Variants in GABRG3 observed in about 807,000 individuals in gnomAD.
GABRG3 encodes the protein gamma-aminobutyric acid receptor subunit gamma-3.
GABRG3 carries 25 observed loss-of-function variants against 48.8 expected under a neutral mutation model. The ratio of observed to expected loss-of-function variants is 0.51; its 90% CI spans 0.37 to 0.72. The LOEUF (loss-of-function observed/expected upper bound fraction) is 0.72. GABRG3 is among the 30% of genes least tolerant of loss of function. The probability of loss-of-function intolerance (pLI) is 0.00; values close to 1 mark genes in which losing one functional copy is unlikely to be tolerated. For missense variants in GABRG3, 394 were observed against 577.9 expected (o/e 0.68, Z 3.26); for synonymous variants, 227 against 217.6 (o/e 1.04, Z -0.38).
chr15:27,527,475 C>T lies in GABRG3; in HGVS notation c.908C>T (p.Ala303Val). 12 of 1,613,964 alleles carry T rather than the reference C, an allele frequency of 7.4e-6. No homozygotes were observed. Among genetic ancestry groups the T allele is most frequent in the Non-Finnish European group, 1.0e-5 (12 of 1,179,888 alleles). The change falls in exon 8 of 10, where the codon GCC (alanine) becomes GTC (valine). Residue 303 changes from alanine to valine, a missense_variant. Transcript: ENST00000615808. ...VLTMTTLSTI[A>V]RKSLPRVSYV... Reference sequence around the variant, plus strand: ...ACCATGACCACCCTGAGCACCATCGCCAGGAAGTCCTTGCCACGCGTGTCC... The same window carrying T: ...ACCATGACCACCCTGAGCACCATCGTCAGGAAGTCCTTGCCACGCGTGTCC...
chr15:27,359,456 AT>A (rs1225258412), intron 5 of GABRG3, among the ~76,000 whole-genome samples: 2 of 152,214 alleles, frequency 1.3e-5, no homozygotes, highest in African/African-American at 4.8e-5. Flanking sequence ...GAAGAGATAT[AT>A]TTATTCAGTT....
chr15:27,423,017 T>A (rs1014730768), intron 5 of GABRG3, among the ~76,000 whole-genome samples: 1 of 151,938 alleles, frequency 6.6e-6, no homozygotes, highest in Non-Finnish European at 1.5e-5. Flanking sequence ...ATGTCTCTGC[T>A]CAGGGAAGCC....
At chr15:27,441,536 A>G (rs566827970) in intron 5 of GABRG3, among the ~76,000 whole-genome samples, 4 of 152,312 alleles carry the variant, frequency 2.6e-5, no homozygotes, top group African/African-American at 9.6e-5. Context: ...ATGATGATCA[A>G]TCATGTCTCT....
chr15:27,107,996 AT>A (rs1245519350), intron 3 of GABRG3, among the ~76,000 whole-genome samples: 3 of 150,974 alleles, frequency 2.0e-5, no homozygotes, highest in African/African-American at 7.3e-5. Flanking sequence ...CATTAATTTT[AT>A]TGATCTTTTC....
chr15:27,230,205 G>T (rs538267779), intron 3 of GABRG3, among the ~76,000 whole-genome samples: 1 of 152,212 alleles, frequency 6.6e-6, no homozygotes, highest in South Asian at 2.1e-4. Context: ...CAGTTTGGTT[G>T]TAATAACATA....
At chr15:27,368,966 G>C (rs879918019) in intron 5 of GABRG3, among the ~76,000 whole-genome samples, 7 of 152,296 alleles carry the variant, frequency 4.6e-5, no homozygotes, top group Non-Finnish European at 7.3e-5. Flanking sequence ...CAGGTAATAA[G>C]TCATTTATAT....
intron 5 of GABRG3, among the ~76,000 whole-genome samples, chr15:27,417,318 A>G (rs866854750): frequency 2.6e-5 from 4 of 152,158 alleles, no homozygotes; most frequent in South Asian, 4.1e-4. Context: ...AGATGACTTA[A>G]TGTGGGTGAC....
chr15:27,475,545 G>A (rs1889912641), intron 5 of GABRG3, among the ~76,000 whole-genome samples: 1 of 151,950 alleles, frequency 6.6e-6, no homozygotes, highest in Non-Finnish European at 1.5e-5. Context: ...TGATAGTGGT[G>A]ATGATGATGG....
chr15:27,480,413 G>A (rs1813978807), intron 5 of GABRG3, among the ~76,000 whole-genome samples: 1 of 152,210 alleles, frequency 6.6e-6, no homozygotes, highest in African/African-American at 2.4e-5. Context: ...TGTGTTGTCA[G>A]TGGCCAGGCC....
At chr15:27,110,779 G>A (rs60859408) in intron 3 of GABRG3, among the ~76,000 whole-genome samples, 1,591 of 152,158 alleles carry the variant, frequency 0.01, 27 homozygotes, top group African/African-American at 0.036. Context: ...TAGGTGTGGT[G>A]TTCCCCACCC....
intron 3 of GABRG3, among the ~76,000 whole-genome samples, chr15:27,128,647 A>G (rs1354618140): frequency 6.6e-6 from 1 of 152,218 alleles, no homozygotes; most frequent in African/African-American, 2.4e-5. Context: ...AAGCAGAACA[A>G]TTTGACACAG....
At chr15:27,306,436 A>G (rs945847032) in intron 3 of GABRG3, among the ~76,000 whole-genome samples, 2 of 140,764 alleles carry the variant, frequency 1.4e-5, no homozygotes, top group African/African-American at 2.6e-5. Flanking sequence ...AACATATAAT[A>G]CGAACATATG....
Position 27,307,006 on chromosome 15 carries a change from G to GTTTATATATAAACA in GABRG3, c.271-19802_271-19801insTTATATATAAACAT, listed in dbSNP as rs1566769768. On this transcript the variant is annotated intron_variant, in intron 3 of 9. Coordinates refer to ENST00000615808, the MANE Select transcript of GABRG3 (RefSeq NM_033223.5). ...TATAAACATGTTTATATATAAACATGTATAAACATGTTTATATATAAACAT... is the reference window on the plus strand; with the variant it reads ...TATAAACATGTTTATATATAAACATGTTTATATATAAACATATAAACATGTTTATATATAAACAT... Among the ~76,000 whole-genome samples, 35 of 78,584 alleles carry GTTTATATATAAACA rather than the reference G, an allele frequency of 4.5e-4. 6 individuals are homozygous for GTTTATATATAAACA. Among genetic ancestry groups the GTTTATATATAAACA allele is most frequent in the South Asian group, 1.4e-3 (4 of 2,834 alleles). 51.6% of individuals were successfully genotyped at this position (78,584 alleles called of 152,430 possible).
At chr15:27,458,224 G>T (rs1382850619) in intron 5 of GABRG3, among the ~76,000 whole-genome samples, 1 of 152,228 alleles carries the variant, frequency 6.6e-6, no homozygotes, top group African/African-American at 2.4e-5. Flanking sequence ...TGTAGGAGAA[G>T]TGTCTCTCCT....
chr15:27,354,470 C>T lies in GABRG3; in HGVS notation c.574+25582C>T, dbSNP rs116976379. On this transcript the variant is annotated intron_variant, in intron 5 of 9. Transcript: ENST00000615808. Reference sequence around the variant, plus strand: ...GGCTATGGAACTGCAAGGGCACCACCCGTCCCCAATCTTAACAGTCCAAGT... The same window carrying T: ...GGCTATGGAACTGCAAGGGCACCACTCGTCCCCAATCTTAACAGTCCAAGT... Among the ~76,000 whole-genome samples, 55 of 152,284 alleles carry T rather than the reference C, an allele frequency of 3.6e-4. 1 individual carries two copies. Among genetic ancestry groups the T allele is most frequent in the Middle Eastern group, 6.8e-3 (2 of 294 alleles).
chr15:27,493,706 A>C (rs1890413275), intron 6 of GABRG3, among the ~76,000 whole-genome samples: 1 of 152,240 alleles, frequency 6.6e-6, no homozygotes, highest in Admixed American at 6.5e-5. Context: ...AGAGATAACT[A>C]TTAGTTATAT....
chr15:27,388,453 T>G (rs1327663027), intron 5 of GABRG3, among the ~76,000 whole-genome samples: 1 of 150,410 alleles, frequency 6.6e-6, no homozygotes, highest in Admixed American at 6.6e-5. Flanking sequence ...TGGCTGTGAT[T>G]CAAACATTGC....
chr15:27,018,080 A>T (rs2140672995), intron 2 of GABRG3, among the ~76,000 whole-genome samples: 1 of 152,350 alleles, frequency 6.6e-6, no homozygotes, highest in African/African-American at 2.4e-5. Context: ...TTAAAAACTT[A>T]TCTTTCCTGT....
chr15:27,243,109 T>G (rs1443830746), intron 3 of GABRG3, among the ~76,000 whole-genome samples: 1 of 152,104 alleles, frequency 6.6e-6, no homozygotes, highest in Non-Finnish European at 1.5e-5. Context: ...CAGTAGCCAA[T>G]CAGGTCAACT....
Sources: gnomAD v4.1 joint callset for allele counts (sites outside exome capture counted in the v4.1 genomes callset) on GRCh38, gnomAD v4.1.1 for gene constraint, MANE v1.5 for transcripts, NCBI Gene and HGNC (gene_info 2026-07-23, HGNC 2026-07-21) for gene names.